The following PSEN2 variants were observed in gnomAD, a reference collection of about 807,000 sequenced individuals.
PSEN2 encodes the protein presenilin-2.
A neutral mutation model predicts 49.1 loss-of-function variants in PSEN2; 32 were observed. That is an observed-to-expected ratio of 0.65 (90% CI 0.49 to 0.88). The LOEUF (loss-of-function observed/expected upper bound fraction) is 0.88, where lower values mean the gene tolerates loss of function less well. PSEN2 is among the 40% of genes least tolerant of loss of function. The probability of loss-of-function intolerance (pLI) is 0.00; values close to 1 mark genes in which losing one functional copy is unlikely to be tolerated. For synonymous variants in PSEN2, 255 were observed against 244.0 expected (o/e 1.05, Z -0.42); for missense variants, 522 against 586.9 (o/e 0.89, Z 1.14).
At chr1:226,901,783 A>G (rs749920517) in intron 12 of PSEN2, among the ~76,000 whole-genome samples, 1 of 152,240 alleles carries the variant, frequency 6.6e-6, no homozygotes, top group Non-Finnish European at 1.5e-5. Context: ...AAAGGGGAAG[A>G]TAACATTAAT....
downstream of PSEN2, among the ~76,000 whole-genome samples, chr1:226,901,434 C>CA (rs71179182): frequency 0.4 from 46,807 of 117,566 alleles, 9,318 homozygotes; most frequent in South Asian, 0.57. Flanking sequence ...GAAACTGTCT[C>CA]AAAAAAAAAA....
intron 3 of PSEN2, among the ~76,000 whole-genome samples, chr1:226,880,920 C>T (rs1442683741): frequency 6.6e-6 from 1 of 152,164 alleles, no homozygotes; most frequent in East Asian, 1.9e-4. Flanking sequence ...TCCTCAGACA[C>T]CTCCCAGACA....
chr1:226,877,473 G>C (rs1186264071), intron 3 of PSEN2, among the ~76,000 whole-genome samples: 2 of 152,180 alleles, frequency 1.3e-5, no homozygotes, highest in Admixed American at 1.3e-4. Flanking sequence ...CCAGTGGCCT[G>C]GGCCACCTTT....
chr1:226,888,461 A>AT (rs994284494), intron 7 of PSEN2, among the ~76,000 whole-genome samples: 29 of 152,150 alleles, frequency 1.9e-4, no homozygotes, highest in African/African-American at 7.0e-4. Context: ...TTACATTCTG[A>AT]TTTTTAGGCT....
chr1:226,893,697 T>C (rs933282337), intron 11 of PSEN2, among the ~76,000 whole-genome samples: 2 of 152,230 alleles, frequency 1.3e-5, no homozygotes, highest in African/African-American at 4.8e-5. Context: ...GCCCAAGGCC[T>C]TGCATTTCTA....
Position 226,895,330 on chromosome 1 carries a change from G to C in PSEN2, c.1192-94G>C, listed in dbSNP as rs537735641. 8 of 1,473,788 alleles carry C rather than the reference G, an allele frequency of 5.4e-6. No individual in the cohort carries two copies. In the East Asian group the frequency reaches 1.4e-4, roughly 26 times the overall value. The allele number at this position is 1,473,788 out of a possible 1,614,324, so 91.3% of individuals were successfully genotyped here. ...TAGCGCCGTTATCCGACTGGTCCTC[G>C]AACAAGCTCCTGTGCCCAGGGACTA... On this transcript the variant is annotated intron_variant, in intron 12 of 12. Transcript: ENST00000366783.
chr1:226,880,797 T>G (rs1201838536), intron 3 of PSEN2: 19 of 1,601,860 alleles, frequency 1.2e-5, no homozygotes, highest in Admixed American at 1.7e-5. Context: ...CAGGCTTCCC[T>G]CCTGTCCCCT....
At chr1:226,870,991 C>A (rs992840453) in intron 1 of PSEN2, 4 of 152,322 alleles carry the variant, frequency 2.6e-5, no homozygotes, top group Admixed American at 6.5e-5. Flanking sequence ...TGGGGGTGGG[C>A]GCGGCGCGAG....
rs574374875 is a variant in PSEN2, at chr1:226,889,315, C to T, written c.787+266C>T. Among the ~76,000 whole-genome samples, 5 of 151,680 alleles carry T rather than the reference C, an allele frequency of 3.3e-5. 1 individual carries two copies. The South Asian group carries it at 6.3e-4, about 19-fold the overall frequency. On this transcript the variant is annotated intron_variant, in intron 8 of 12. Coordinates refer to ENST00000366783, the MANE Select transcript of PSEN2 (RefSeq NM_000447.3). ...TTTTTGAGATGGAGTCTTGCTCTGT[C>T]GCCCAGGCTGGAGTGTAGTGGCGCC...
chr1:226,874,156 T>A (rs1041495357), intron 2 of PSEN2, among the ~76,000 whole-genome samples: 2 of 152,128 alleles, frequency 1.3e-5, no homozygotes, highest in African/African-American at 4.8e-5. Context: ...TACCTGCCCG[T>A]GGTGAAGGCA....
chr1:226,899,835 C>T (rs1662255584), downstream of PSEN2, among the ~76,000 whole-genome samples: 1 of 152,168 alleles, frequency 6.6e-6, no homozygotes, highest in Non-Finnish European at 1.5e-5. Context: ...CACACTCCAT[C>T]CAGCATGAAA....
At chr1:226,876,864 T>G (rs555910501) in intron 3 of PSEN2, among the ~76,000 whole-genome samples, 1 of 152,276 alleles carries the variant, frequency 6.6e-6, no homozygotes, top group African/African-American at 2.4e-5. Flanking sequence ...TTTGTCCAGG[T>G]AGTGACTGAG....
chr1:226,894,019 T>A lies in PSEN2; in HGVS notation c.1085T>A (p.Leu362His). The change falls in exon 12 of 13, where the codon CTT becomes CAT. Residue 362 changes from leucine (L) to histidine (H), a missense_variant. Coordinates refer to ENST00000366783, the MANE Select transcript of PSEN2 (RefSeq NM_000447.3). Reference sequence around the variant, plus strand: ...TCTCCTCACACAGGGGGCGTGAAGCTTGGCCTCGGGGACTTCATCTTCTAC... The same window carrying A: ...TCTCCTCACACAGGGGGCGTGAAGCATGGCCTCGGGGACTTCATCTTCTAC... ...LEEEEERGVKLGLGDFIFYSV... is the reference protein window; with the variant it reads ...LEEEEERGVKHGLGDFIFYSV... 1 of 1,614,110 alleles carries A rather than the reference T, an allele frequency of 6.2e-7. No individual in the cohort carries two copies. Among genetic ancestry groups the A allele is most frequent in the Non-Finnish European group, 8.5e-7 (1 of 1,179,938 alleles).
chr1:226,874,515 C>T lies in PSEN2; in HGVS notation c.-206-850C>T, dbSNP rs754339134. Among the ~76,000 whole-genome samples, 205 of 152,156 alleles carry T rather than the reference C, an allele frequency of 1.3e-3. No individual in the cohort carries two copies. In the Middle Eastern group the frequency reaches 0.014, roughly 10 times the overall value. On this transcript the variant is annotated intron_variant, in intron 2 of 12. Transcript: ENST00000366783. ...GTGGCCATAGTGCCTGGGGCTGGGC[C>T]GGGAATGGAAACTTGATCTCTGGGG... is the stretch of plus-strand genomic sequence containing the variant.
chr1:226,903,095 G>GT (rs1193117335), intron 12 of PSEN2, among the ~76,000 whole-genome samples: 1 of 150,776 alleles, frequency 6.6e-6, no homozygotes, highest in African/African-American at 2.5e-5. Flanking sequence ...AAAACACTGA[G>GT]TTTTTTTCTT....
intron 3 of PSEN2, 66 bp from the exon 4 acceptor site, chr1:226,881,822 C>CA: frequency 6.2e-7 from 1 of 1,602,454 alleles, no homozygotes; most frequent in Non-Finnish European, 8.5e-7. Context: ...CCAGCCACCC[C>CA]CTGAGTCCTC....
chr1:226,876,431 A>C (rs1297887937), intron 3 of PSEN2, among the ~76,000 whole-genome samples: 1 of 152,214 alleles, frequency 6.6e-6, no homozygotes, highest in Non-Finnish European at 1.5e-5. Context: ...TGGGAGGGGC[A>C]GATGTAGAGG....
At chr1:226,890,326 A>G (rs914374121) in intron 9 of PSEN2, among the ~76,000 whole-genome samples, 193 bp downstream of exon 9, 3 of 152,232 alleles carry the variant, frequency 2.0e-5, no homozygotes, top group African/African-American at 7.2e-5. Flanking sequence ...GACAGGAAGC[A>G]GGCATCTGCT....
chr1:226,888,706 ACAGTGAAGGT>A, intron 7 of PSEN2, 113 bp from the exon 8 acceptor site: 1 of 844,000 alleles, frequency 1.2e-6, no homozygotes, highest in South Asian at 1.4e-5. Context: ...AATTGTAAGG[ACAGTGAAGGT>A]CGGGGAAGGA....
Sources: allele counts gnomAD v4.1 joint callset (sites outside exome capture counted in the v4.1 genomes callset), GRCh38; gene constraint gnomAD v4.1.1; transcripts MANE v1.5; gene names NCBI Gene and HGNC (gene_info 2026-07-23, HGNC 2026-07-21).